COG4: variants seen among roughly 807,000 people sequenced by gnomAD.
The protein encoded by COG4 is conserved oligomeric Golgi complex subunit 4.
A neutral mutation model predicts 95.1 loss-of-function variants in COG4; 65 were observed. That is an observed-to-expected ratio of 0.68 (90% CI 0.56 to 0.84). The LOEUF is 0.84. Ranked by LOEUF, COG4 falls within the 40% of genes least tolerant of loss-of-function variation. COG4 has a pLI of 0.00. For missense variants in COG4, 1,045 were observed against 989.1 expected (o/e 1.06, Z -0.76); for synonymous variants, 421 against 374.8 (o/e 1.12, Z -1.42).
chr16:70,481,388 G>A lies in COG4; in HGVS notation c.2206C>T (p.Gln736Ter). ...TIRDKFARLS[Q>*]MATILNLERV... ...TCCAGATTGAGGATGGTGGCCATCT[G>A]GGAGAGCCGGGCAAACTTGTCTCGG... Residue 736 changes from glutamine (Q) to a stop codon, truncating the protein, a stop_gained, in exon 18 of 19, where the codon CAG becomes TAG. Transcript: ENST00000323786. LOFTEE classifies it high-confidence loss of function. 1 of 1,613,346 alleles carries A rather than the reference G, an allele frequency of 6.2e-7. No individual in the cohort carries two copies. The highest frequency in any genetic ancestry group is 8.5e-7 in the Non-Finnish European group (1 of 1,179,992).
intron 13 of COG4, among the ~76,000 whole-genome samples, chr16:70,486,940 A>C (rs1444117037): frequency 1.3e-5 from 2 of 151,750 alleles, no homozygotes; most frequent in African/African-American, 4.8e-5. Context: ...GGTTGCAGTA[A>C]GCCGAGACTG....
rs1273465525 is a variant in COG4, at chr16:70,482,136, GTAC to G, written c.1957_1959del (p.Val653del). 1 of 1,614,028 alleles carries G rather than the reference GTAC, an allele frequency of 6.2e-7. No individual in the cohort carries two copies. Among genetic ancestry groups the G allele is most frequent in the East Asian group, 2.2e-5 (1 of 44,888 alleles). On this transcript the variant is annotated inframe_deletion, in exon 16 of 19. Transcript: ENST00000323786. ...TGCTCCAGGTTAAGGATGAACTGTT[GTAC>G]CCAAGGGTCGTTGGCCTCATAGTCA...
At chr16:70,498,717 C>T (rs753417383) in intron 9 of COG4, among the ~76,000 whole-genome samples, 24 of 152,160 alleles carry the variant, frequency 1.6e-4, no homozygotes, top group Non-Finnish European at 2.8e-4. Flanking sequence ...TTTGCCATTA[C>T]TGGAGATAAC....
In COG4 at chr16:70,514,346, T is replaced by G; in HGVS notation, c.533A>C (p.Gln178Pro). The G allele has an allele frequency of 2.5e-6, 4 of 1,614,232 alleles. No individual in the cohort carries two copies. Among genetic ancestry groups the G allele is most frequent in the Non-Finnish European group, 3.4e-6 (4 of 1,180,030 alleles). ...TTTCGGATGCTGACCCTCTTTGCCC[T>G]GTCGGCTGAGCTCAATGACCGACTT... ...LDKSVIELSR[Q>P]GKEGSMIDAN... is the part of the protein sequence containing the mutation. Residue 178 changes from glutamine to proline, a missense_variant, in exon 4 of 19, where the codon CAG becomes CCG. Physicochemically the swap from Gln to Pro is moderately conservative, Grantham distance 76. Coordinates refer to ENST00000323786, the MANE Select transcript of COG4 (RefSeq NM_015386.3).
In COG4 at chr16:70,501,106, G is replaced by A. The variant is rs1302470178; in HGVS notation, c.1062-15C>T. 7.4e-6 allele frequency: 12 copies of A among 1,612,024 alleles called. No individual in the cohort carries two copies. The highest frequency in any genetic ancestry group is 1.0e-5 in the Non-Finnish European group (12 of 1,179,920). Reference sequence around the variant, plus strand: ...GGTCCAGTTCTCTGAGACACATGGAGCAGAAGGAATAGGACGACAATGGAT... The same window carrying A: ...GGTCCAGTTCTCTGAGACACATGGAACAGAAGGAATAGGACGACAATGGAT... On this transcript the variant is annotated splice_polypyrimidine_tract_variant and intron_variant, in intron 8 of 18. Coordinates refer to ENST00000323786, the MANE Select transcript of COG4 (RefSeq NM_015386.3).
chr16:70,490,429 G>C (rs558972135), intron 12 of COG4, 37 bp from the exon 13 acceptor site: 42 of 1,559,836 alleles, frequency 2.7e-5, no homozygotes, highest in Non-Finnish European at 3.4e-5. Flanking sequence ...ACTTCCTGCT[G>C]ACTGTGCCTG....
intron 14 of COG4, among the ~76,000 whole-genome samples, chr16:70,483,065 CTTCTCCCCACCCCATCCCTCTT>C (rs2049040125): frequency 2.1e-5 from 2 of 95,560 alleles, no homozygotes; most frequent in African/African-American, 8.5e-5. Flanking sequence ...CCTTCCCTCT[CTTCTCCCCACCCCATCCCTCTT>C]TTCTCCCTAC....
At chr16:70,520,252 G>A (rs1001975794) in intron 1 of COG4, among the ~76,000 whole-genome samples, 1 of 151,918 alleles carries the variant, frequency 6.6e-6, no homozygotes. Flanking sequence ...TGGATAACAC[G>A]GTGAAACCCT....
chr16:70,484,011 G>T, intron 13 of COG4, 42 bp from the exon 14 acceptor site: 1 of 1,433,778 alleles, frequency 7.0e-7, no homozygotes, highest in Non-Finnish European at 9.8e-7. Flanking sequence ...GCACGCGTGG[G>T]CCATGGGAGT....
chr16:70,518,077 C>T (rs188033130), intron 2 of COG4, among the ~76,000 whole-genome samples: 7 of 152,128 alleles, frequency 4.6e-5, no homozygotes, highest in Non-Finnish European at 4.4e-5. Context: ...ACTACAGGCG[C>T]GTGCCACCAA....
chr16:70,487,429 C>T (rs1372431702), intron 13 of COG4, among the ~76,000 whole-genome samples: 2 of 151,850 alleles, frequency 1.3e-5, no homozygotes, highest in Non-Finnish European at 2.9e-5. Context: ...AAACCCCATC[C>T]CTACTAAAAA....
chr16:70,483,963 A>G lies in COG4; in HGVS notation c.1717T>C (p.Cys573Arg). 1 of 1,611,454 alleles carries G rather than the reference A, an allele frequency of 6.2e-7. No homozygotes were observed. Among genetic ancestry groups the G allele is most frequent in the Non-Finnish European group, 8.5e-7 (1 of 1,179,166 alleles). Residue 573 changes from cysteine (C) to arginine (R), a missense_variant, in exon 14 of 19, where the codon TGC (cysteine) becomes CGC (arginine). Transcript: ENST00000323786. ...STLKKTLESD[C>R]TKLFSQGIGG... ...ATGCCCTGGCTGAAGAGCTTGGTGC[A>G]GTCACTCTAGGGGAGAACACTGCTG...
chr16:70,512,117 G>C (rs2049718904), intron 5 of COG4, 122 bp downstream of exon 5: 1 of 909,978 alleles, frequency 1.1e-6, no homozygotes, highest in Non-Finnish European at 1.8e-6. Context: ...TACACAGCAA[G>C]GGCAGGAAGG....
chr16:70,486,323 A>G (rs887369163), intron 13 of COG4, among the ~76,000 whole-genome samples: 5 of 152,156 alleles, frequency 3.3e-5, no homozygotes, highest in African/African-American at 1.2e-4. Flanking sequence ...TAGAAAGTTC[A>G]TGCTGTTTTG....
chr16:70,484,880 G>T (rs1367787396), intron 13 of COG4, among the ~76,000 whole-genome samples: 25 of 152,092 alleles, frequency 1.6e-4, no homozygotes, highest in Admixed American at 1.6e-3. Context: ...CCGGGCAGCA[G>T]AGTGAGAACA....
At chr16:70,515,844 A>C (rs1410787870) in intron 3 of COG4, 2 of 330,528 alleles carry the variant, frequency 6.1e-6, no homozygotes, top group Admixed American at 4.3e-5. Context: ...TTTTTTAAAA[A>C]ATTTTTGTAG....
At chr16:70,499,654 C>A (rs116963461) in intron 9 of COG4, among the ~76,000 whole-genome samples, 1 of 152,102 alleles carries the variant, frequency 6.6e-6, no homozygotes, top group South Asian at 2.1e-4. Flanking sequence ...CTCTGGCATG[C>A]CTTTTAAACA....
intron 2 of COG4, among the ~76,000 whole-genome samples, chr16:70,518,253 C>T (rs1034912279): frequency 6.6e-6 from 1 of 152,144 alleles, no homozygotes; most frequent in Non-Finnish European, 1.5e-5. Flanking sequence ...TAAAGACACA[C>T]CTAAATAGGT....
chr16:70,514,829 C>T (rs1469826852), intron 3 of COG4, among the ~76,000 whole-genome samples: 2 of 151,232 alleles, frequency 1.3e-5, no homozygotes, highest in Admixed American at 6.6e-5. Flanking sequence ...TCCTCCACCT[C>T]AGCCTCCCAA....
Sources: gnomAD v4.1 joint callset for allele counts (sites outside exome capture counted in the v4.1 genomes callset) on GRCh38, gnomAD v4.1.1 for gene constraint, MANE v1.5 for transcripts, NCBI Gene and HGNC (gene_info 2026-07-23, HGNC 2026-07-21) for gene names.